SPIDR: variants seen among roughly 807,000 people sequenced by gnomAD.
SPIDR encodes the protein DNA repair-scaffolding protein.
SPIDR carries 93 observed loss-of-function variants against 104.6 expected under a neutral mutation model. The ratio of observed to expected loss-of-function variants is 0.89; its 90% CI spans 0.75 to 1.06. SPIDR has a LOEUF of 1.06. SPIDR is among the 50% of genes least tolerant of loss of function. The pLI, the probability that SPIDR is intolerant of heterozygous loss-of-function variation, is 0.00. For missense variants in SPIDR, 1,154 were observed against 1,111.2 expected (o/e 1.04, Z -0.55); for synonymous variants, 431 against 416.9 (o/e 1.03, Z -0.41).
At chr8:47,364,309 C>T (rs1211621948) in intron 5 of SPIDR, among the ~76,000 whole-genome samples, 2 of 152,188 alleles carry the variant, frequency 1.3e-5, no homozygotes, top group African/African-American at 4.8e-5. Context: ...CCTTCTGTGT[C>T]CTTGACCTGT....
chr8:47,357,065 T>C (rs2054690656), intron 5 of SPIDR, among the ~76,000 whole-genome samples: 1 of 152,170 alleles, frequency 6.6e-6, no homozygotes, highest in East Asian at 1.9e-4. Flanking sequence ...TAGAATTAGA[T>C]CATAAGAGAA....
At chr8:47,501,854 G>A (rs1405841649) in intron 8 of SPIDR, among the ~76,000 whole-genome samples, 2 of 152,124 alleles carry the variant, frequency 1.3e-5, no homozygotes, top group Non-Finnish European at 2.9e-5. Context: ...TTAGCATGAA[G>A]GGTTGTTGAA....
intron 8 of SPIDR, among the ~76,000 whole-genome samples, chr8:47,586,431 GT>G: frequency 6.6e-6 from 1 of 152,102 alleles, no homozygotes; most frequent in East Asian, 1.9e-4. Flanking sequence ...ATTATGTTTT[GT>G]TTTAGCCATT....
chr8:47,689,717 T>A (rs1350246693), intron 11 of SPIDR, among the ~76,000 whole-genome samples: 1 of 152,052 alleles, frequency 6.6e-6, no homozygotes, highest in Non-Finnish European at 1.5e-5. Context: ...CACAGCCCCT[T>A]CTCGTCTGCA....
At chr8:47,265,470 G>A (rs182980716) in intron 1 of SPIDR, among the ~76,000 whole-genome samples, 3 of 151,686 alleles carry the variant, frequency 2.0e-5, no homozygotes, top group Admixed American at 6.6e-5. Context: ...GGGTTACAGC[G>A]TGAACCACTG....
chr8:47,511,636 C>T lies in SPIDR; in HGVS notation c.1097+71094C>T, dbSNP rs2082342460. ...TTGGTTGGAATGATGTCTCTTTTCTCCTGCCACATAAGCAGACTCTTCCTC... is the reference window on the plus strand; with the variant it reads ...TTGGTTGGAATGATGTCTCTTTTCTTCTGCCACATAAGCAGACTCTTCCTC... On this transcript the variant is annotated intron_variant, in intron 8 of 19. Coordinates refer to ENST00000297423, the MANE Select transcript of SPIDR (RefSeq NM_001080394.4). 1.1e-5 allele frequency: 9 copies of T among 797,024 alleles called. No individual in the cohort carries two copies. In the East Asian group the frequency reaches 1.9e-4, roughly 17 times the overall value. The allele number at this position is 797,024 out of a possible 1,614,324, so 49.4% of individuals were successfully genotyped here. A position where few individuals can be genotyped will look rare whatever the true frequency, so the allele number is the denominator to read the frequency against.
At chr8:47,291,907 G>T (rs1234674710) in intron 4 of SPIDR, among the ~76,000 whole-genome samples, 3 of 152,140 alleles carry the variant, frequency 2.0e-5, no homozygotes, top group Non-Finnish European at 2.9e-5. Flanking sequence ...TCTCATCCTT[G>T]ACACTCTTGA....
chr8:47,300,415 T>C (rs1462538966), intron 5 of SPIDR, among the ~76,000 whole-genome samples: 20 of 152,302 alleles, frequency 1.3e-4, no homozygotes, highest in African/African-American at 4.3e-4. Flanking sequence ...CCTGGATTCA[T>C]TGATTTTTTT....
rs1213684543 is a variant in SPIDR, at chr8:47,470,553, G to T, written c.1097+30011G>T. ...CCCACCTCAGCCTCCCAAACTGCTG[G>T]TCAGTTACGAGCTACCACGCCTGAC... On this transcript the variant is annotated intron_variant, in intron 8 of 19. Coordinates refer to ENST00000297423, the MANE Select transcript of SPIDR (RefSeq NM_001080394.4). 2.6e-5 allele frequency among the ~76,000 whole-genome samples: 4 copies of T among 151,996 alleles called. No homozygotes were observed. The East Asian group carries it at 7.7e-4, about 29-fold the overall frequency.
chr8:47,675,212 A>T (rs1464091735), intron 11 of SPIDR, among the ~76,000 whole-genome samples: 2 of 151,824 alleles, frequency 1.3e-5, no homozygotes, highest in Non-Finnish European at 2.9e-5. Context: ...AATTTTCTGT[A>T]TTTAGTAGAG....
intron 7 of SPIDR, among the ~76,000 whole-genome samples, chr8:47,436,091 T>C (rs1466521712): frequency 6.6e-6 from 1 of 152,224 alleles, no homozygotes; most frequent in Non-Finnish European, 1.5e-5. Flanking sequence ...GCAGTGACAG[T>C]GGCTGCCATC....
intron 10 of SPIDR, among the ~76,000 whole-genome samples, chr8:47,626,598 A>C (rs2066161279): frequency 6.6e-6 from 1 of 152,258 alleles, no homozygotes; most frequent in Non-Finnish European, 1.5e-5. Context: ...AGACACTCTC[A>C]AAAGAAGACA....
chr8:47,492,193 C>A (rs1335483597), intron 8 of SPIDR, among the ~76,000 whole-genome samples: 1 of 152,122 alleles, frequency 6.6e-6, no homozygotes, highest in Non-Finnish European at 1.5e-5. Flanking sequence ...TAGCAAACTC[C>A]CAACCTACAT....
At chr8:47,720,917 C>T (rs2083305889) in intron 16 of SPIDR, among the ~76,000 whole-genome samples, 1 of 152,002 alleles carries the variant, frequency 6.6e-6, no homozygotes, top group Non-Finnish European at 1.5e-5. Context: ...GCCACCATGC[C>T]CAGCTAGTTT....
At chr8:47,660,398 G>C (rs1040637091) in intron 10 of SPIDR, 1 of 944,154 alleles carries the variant, frequency 1.1e-6, no homozygotes, top group African/African-American at 1.8e-5. Context: ...TGTGGAATGT[G>C]GTTTCATCTG....
intron 10 of SPIDR, among the ~76,000 whole-genome samples, chr8:47,649,337 T>G (rs1187920430): frequency 6.6e-6 from 1 of 151,650 alleles, no homozygotes; most frequent in African/African-American, 2.4e-5. Context: ...CAACTGAATC[T>G]CACAATGAGA....
intron 1 of SPIDR, among the ~76,000 whole-genome samples, chr8:47,275,711 G>A (rs971615960): frequency 4.6e-5 from 7 of 152,260 alleles, no homozygotes; most frequent in Admixed American, 4.6e-4. Context: ...CATTAAAATA[G>A]TTATGTCACG....
intron 14 of SPIDR, among the ~76,000 whole-genome samples, chr8:47,703,407 C>T (rs2080613413): frequency 6.6e-6 from 1 of 152,170 alleles, no homozygotes; most frequent in Non-Finnish European, 1.5e-5. Flanking sequence ...TTATCACAAG[C>T]ATGTTAAATC....
chr8:47,525,133 G>T (rs1157374398), intron 8 of SPIDR, among the ~76,000 whole-genome samples: 3 of 152,180 alleles, frequency 2.0e-5, no homozygotes, highest in Non-Finnish European at 4.4e-5. Flanking sequence ...TTGCAGTTTG[G>T]CTTCCTGCCT....
Sources: gnomAD v4.1 joint callset for allele counts (sites outside exome capture counted in the v4.1 genomes callset) on GRCh38, gnomAD v4.1.1 for gene constraint, MANE v1.5 for transcripts, NCBI Gene and HGNC (gene_info 2026-07-23, HGNC 2026-07-21) for gene names.